LINGO2: variants seen among roughly 807,000 people sequenced by gnomAD.
LINGO2 encodes leucine-rich repeat and immunoglobulin-like domain-containing nogo receptor-interacting protein 2.
A neutral mutation model predicts 30.6 loss-of-function variants in LINGO2; 14 were observed. That is an observed-to-expected ratio of 0.46 (90% confidence interval 0.30 to 0.72). LINGO2 has a LOEUF of 0.72. Ranked by LOEUF, LINGO2 falls within the 30% of genes least tolerant of loss-of-function variation. LINGO2 has a pLI of 0.07. For missense variants in LINGO2, 729 were observed against 751.7 expected, an observed-to-expected ratio of 0.97 and a Z score of 0.35; for synonymous variants, 317 against 288.5, an observed-to-expected ratio of 1.10 and a Z score of -1.00.
At chr9:28,697,801 G>A in the LINGO2 span, among the ~76,000 whole-genome samples, 11 of 152,034 alleles carry the variant, frequency 7.2e-5, no homozygotes, top group South Asian at 1.0e-3. Context: ...ACCCCAGGGC[G>A]CTTCTTATTG....
intron 4 of LINGO2, among the ~76,000 whole-genome samples, chr9:28,189,122 A>C (rs535451464): frequency 1.3e-5 from 2 of 152,032 alleles, no homozygotes; most frequent in East Asian, 3.9e-4. Flanking sequence ...TTCAGAACAA[A>C]GTTCCTGAGG....
chr9:29,129,913 AGTCCAAGCATGTTGGATATG>A, the LINGO2 span, among the ~76,000 whole-genome samples: 6 of 152,150 alleles, frequency 3.9e-5, no homozygotes, highest in Non-Finnish European at 8.8e-5. Context: ...CAAGTCAGAA[AGTCCAAGCATGTTGGATATG>A]GTCTGTGTAA....
chr9:29,138,514 A>T, the LINGO2 span, among the ~76,000 whole-genome samples: 1 of 152,128 alleles, frequency 6.6e-6, no homozygotes, highest in East Asian at 1.9e-4. Flanking sequence ...TTACTTTTCT[A>T]TATTTGACAT....
At chr9:28,497,044 A>G (rs1200095720) in intron 1 of LINGO2, among the ~76,000 whole-genome samples, 2 of 152,158 alleles carry the variant, frequency 1.3e-5, no homozygotes, top group Non-Finnish European at 2.9e-5. Context: ...AGTCTGCTGG[A>G]CTTCCCTTTG....
At chr9:28,035,916 ATG>A (rs1358378517) in intron 4 of LINGO2, among the ~76,000 whole-genome samples, 8 of 147,106 alleles carry the variant, frequency 5.4e-5, no homozygotes, top group African/African-American at 1.3e-4. Flanking sequence ...ACACACACAC[ATG>A]CGCTAATATA....
chr9:28,818,138 G>A, the LINGO2 span, among the ~76,000 whole-genome samples: 2 of 152,094 alleles, frequency 1.3e-5, no homozygotes, highest in Admixed American at 6.5e-5. Flanking sequence ...ACTAAGACCT[G>A]GTTAATGCAG....
intron 4 of LINGO2, among the ~76,000 whole-genome samples, chr9:28,076,548 C>G: frequency 6.6e-6 from 1 of 151,970 alleles, no homozygotes; most frequent in African/African-American, 2.4e-5. Context: ...AATCTCCCAA[C>G]AAGTATGTCT....
intron 4 of LINGO2, among the ~76,000 whole-genome samples, chr9:28,289,909 T>C (rs1823655563): frequency 6.6e-6 from 1 of 152,162 alleles, no homozygotes; most frequent in African/African-American, 2.4e-5. Flanking sequence ...GAAAATTGTC[T>C]TCTCCTTTCC....
At chr9:29,087,486 T>G in the LINGO2 span, among the ~76,000 whole-genome samples, 2 of 152,176 alleles carry the variant, frequency 1.3e-5, no homozygotes, top group Non-Finnish European at 2.9e-5. Flanking sequence ...TTCCCATGAG[T>G]GTTCACAATT....
chr9:28,603,459 TG>T (rs1825575034), intron 1 of LINGO2, among the ~76,000 whole-genome samples: 1 of 152,030 alleles, frequency 6.6e-6, no homozygotes, highest in Non-Finnish European at 1.5e-5. Context: ...GGAATCATAG[TG>T]GTTTCTGAAC....
chr9:28,537,492 G>T lies in LINGO2; in HGVS notation c.-364-61467C>A, dbSNP rs542612765. ...ATGGACTTTGACTGTGGTAAACAAG[G>T]TTGCTAAAAACAACTTCCTTTTATA... On this transcript the variant is annotated intron_variant, in intron 1 of 5. Transcript: ENST00000379992. Among the ~76,000 whole-genome samples the T allele has an allele frequency of 2.6e-5, 4 of 151,874 alleles. No individual in the cohort carries two copies. The East Asian group carries it at 5.8e-4, about 22-fold the overall frequency.
chr9:28,082,383 A>G (rs1325279281), intron 4 of LINGO2, among the ~76,000 whole-genome samples: 1 of 152,232 alleles, frequency 6.6e-6, no homozygotes, highest in East Asian at 1.9e-4. Flanking sequence ...CAGATTTAAA[A>G]AAATCATGCT....
At chr9:28,890,165 T>C in the LINGO2 span, among the ~76,000 whole-genome samples, 1 of 150,350 alleles carries the variant, frequency 6.7e-6, no homozygotes, top group Non-Finnish European at 1.5e-5. Context: ...ATCTAGGAAT[T>C]GGCAGAAATT....
chr9:28,107,398 A>G (rs1259395502), intron 4 of LINGO2, among the ~76,000 whole-genome samples: 1 of 152,142 alleles, frequency 6.6e-6, no homozygotes, highest in Non-Finnish European at 1.5e-5. Flanking sequence ...ATTTTGGGAT[A>G]CATTCTGACT....
intron 1 of LINGO2, among the ~76,000 whole-genome samples, chr9:28,489,052 A>G (rs1826282803): frequency 6.6e-6 from 1 of 152,222 alleles, no homozygotes; most frequent in African/African-American, 2.4e-5. Flanking sequence ...TGTTTAAAGG[A>G]ATCAAAAAAG....
intron 4 of LINGO2, among the ~76,000 whole-genome samples, chr9:28,098,367 G>A (rs189682717): frequency 1.1e-4 from 16 of 152,100 alleles, no homozygotes; most frequent in East Asian, 5.8e-4. Flanking sequence ...TGAATTTTAC[G>A]TTTTAATGGG....
At chr9:28,348,172 A>C (rs866212986) in intron 3 of LINGO2, among the ~76,000 whole-genome samples, 2 of 152,196 alleles carry the variant, frequency 1.3e-5, no homozygotes, top group Admixed American at 6.5e-5. Flanking sequence ...GAACAGCTCC[A>C]GTCTACAGCT....
chr9:28,454,018 C>G (rs16913121), intron 2 of LINGO2, among the ~76,000 whole-genome samples: 3 of 151,892 alleles, frequency 2.0e-5, no homozygotes, highest in Non-Finnish European at 4.4e-5. Flanking sequence ...TAAAATGGAC[C>G]AAGGAGTTGG....
intron 4 of LINGO2, among the ~76,000 whole-genome samples, chr9:28,197,484 T>C (rs978294560): frequency 3.3e-5 from 5 of 151,956 alleles, no homozygotes; most frequent in African/African-American, 9.7e-5. Flanking sequence ...CATAAATTGC[T>C]TAATAAAATG....
Sources: gnomAD v4.1 joint callset for allele counts (sites outside exome capture counted in the v4.1 genomes callset) on GRCh38, gnomAD v4.1.1 for gene constraint, MANE v1.5 for transcripts, NCBI Gene and HGNC (gene_info 2026-07-23, HGNC 2026-07-21) for gene names.